The following MIX23 variants were observed in gnomAD, a reference collection of about 807,000 sequenced individuals.
MIX23 encodes mitochondrial matrix import factor 23, also known as protein MIX23.
Under a neutral mutation model 21.6 loss-of-function variants are expected in MIX23, and 13 were observed. That is an observed-to-expected ratio of 0.60 (90% CI 0.39 to 0.96). MIX23 has a LOEUF of 0.96. Ranked by LOEUF, MIX23 falls within the 40% of genes least tolerant of loss-of-function variation. MIX23 has a pLI of 0.00. For missense variants in MIX23, 144 were observed against 171.2 expected (o/e 0.84, Z 0.89); for synonymous variants, 59 against 58.0 (o/e 1.02, Z -0.08).
intron 1 of MIX23, among the ~76,000 whole-genome samples, chr3:122,377,937 T>C (rs987462080): frequency 3.3e-5 from 5 of 152,182 alleles, no homozygotes; most frequent in African/African-American, 2.4e-5. Flanking sequence ...GCCATATAAA[T>C]AGAGTGTTTA....
intron 3 of MIX23, among the ~76,000 whole-genome samples, chr3:122,367,642 AAATT>A (rs1450974683): frequency 6.6e-6 from 1 of 152,246 alleles, no homozygotes; most frequent in Non-Finnish European, 1.5e-5. Flanking sequence ...GTAGGGAAAT[AAATT>A]ATAATGAGGT....
At chr3:122,361,502 C>T (rs1039658397) in intron 4 of MIX23, among the ~76,000 whole-genome samples, 2 of 152,134 alleles carry the variant, frequency 1.3e-5, no homozygotes, top group East Asian at 3.8e-4. Flanking sequence ...AGCACCATGG[C>T]TACATTTTCT....
intron 1 of MIX23, among the ~76,000 whole-genome samples, chr3:122,377,811 C>T (rs1484175468): frequency 1.3e-5 from 2 of 152,048 alleles, no homozygotes; most frequent in South Asian, 2.1e-4. Flanking sequence ...TGTGCCACTG[C>T]CCTCCAGCCT....
At chr3:122,378,191 T>C (rs1234611860) in intron 1 of MIX23, among the ~76,000 whole-genome samples, 3 of 152,254 alleles carry the variant, frequency 2.0e-5, no homozygotes, top group Non-Finnish European at 4.4e-5. Context: ...GTTAGACGAC[T>C]GCAGCAATCC....
chr3:122,366,296 C>T (rs965952397), intron 3 of MIX23, among the ~76,000 whole-genome samples: 6 of 152,132 alleles, frequency 3.9e-5, no homozygotes, highest in Non-Finnish European at 7.3e-5. Flanking sequence ...TCCAAGGGAT[C>T]CACCAGTGCC....
chr3:122,361,479 C>G (rs372424581), intron 4 of MIX23, among the ~76,000 whole-genome samples: 1 of 152,154 alleles, frequency 6.6e-6, no homozygotes, highest in Non-Finnish European at 1.5e-5. Context: ...CTTCTGCTGG[C>G]CCACTGCACC....
chr3:122,364,975 G>A (rs2075386294), intron 3 of MIX23, among the ~76,000 whole-genome samples: 1 of 152,148 alleles, frequency 6.6e-6, no homozygotes, highest in African/African-American at 2.4e-5. Context: ...CCTCAGAGCT[G>A]TCTGCCTTTG....
At chr3:122,376,682 C>G (rs2075489725) in intron 1 of MIX23, among the ~76,000 whole-genome samples, 1 of 152,076 alleles carries the variant, frequency 6.6e-6, no homozygotes, top group Non-Finnish European at 1.5e-5. Flanking sequence ...ATGGATGGAG[C>G]TGGAGGCCAT....
intron 1 of MIX23, among the ~76,000 whole-genome samples, chr3:122,378,683 T>C (rs945658362): frequency 2.6e-5 from 4 of 152,178 alleles, no homozygotes; most frequent in Non-Finnish European, 1.5e-5. Flanking sequence ...AGTAAAAATA[T>C]GGTGTTATAA....
At chr3:122,374,734 G>A (rs2107684660) in intron 1 of MIX23, among the ~76,000 whole-genome samples, 1 of 152,212 alleles carries the variant, frequency 6.6e-6, no homozygotes, top group South Asian at 2.1e-4. Flanking sequence ...AATAAAAGAG[G>A]TCCTTGCTCT....
At chr3:122,371,914 G>A in intron 1 of MIX23, 114 bp from the exon 2 acceptor site, 1 of 877,692 alleles carries the variant, frequency 1.1e-6, no homozygotes, top group Non-Finnish European at 1.7e-6. Context: ...TAAGTCAGGA[G>A]TGAGGAAACC....
rs147377702 is a variant in MIX23, at chr3:122,373,977, T to G, written c.52-2177A>C. The stretch of plus-strand genomic sequence containing the variant: ...ACCACCACACATAGTGAAGGATATA[T>G]GTATTGTGCTTAAGTGGTAAATTCC... On this transcript the variant is annotated intron_variant, in intron 1 of 4. Transcript: ENST00000291458. Among the ~76,000 whole-genome samples, 8 of 152,126 alleles carry G rather than the reference T, an allele frequency of 5.3e-5. No homozygotes were observed. In the East Asian group the frequency reaches 1.5e-3, roughly 29 times the overall value.
chr3:122,359,782 C>T lies in MIX23; in HGVS notation c.*87G>A. ...CTCAGAAATCATCCTAGAAAGCCCG[C>T]CCTGTTGATATCTGTCATGCTTAGC... On this transcript the variant is annotated 3_prime_UTR_variant, in exon 5 of 5. Coordinates refer to ENST00000291458, the MANE Select transcript of MIX23 (RefSeq NM_001017928.4). The T allele has an allele frequency of 1.5e-6, 2 of 1,331,964 alleles. No individual in the cohort carries two copies. Among genetic ancestry groups the T allele is most frequent in the Non-Finnish European group, 2.0e-6 (2 of 1,016,596 alleles). 82.5% of individuals were successfully genotyped at this position (1,331,964 alleles called of 1,614,324 possible).
At chr3:122,376,802 G>A (rs1343471285) in intron 1 of MIX23, among the ~76,000 whole-genome samples, 1 of 152,132 alleles carries the variant, frequency 6.6e-6, no homozygotes, top group East Asian at 1.9e-4. Context: ...TAGACATTGG[G>A]GACTCCAAAG....
chr3:122,365,957 C>T (rs1240411334), intron 3 of MIX23, among the ~76,000 whole-genome samples: 2 of 151,882 alleles, frequency 1.3e-5, no homozygotes, highest in Admixed American at 1.3e-4. Context: ...GGGCAGATCA[C>T]AAGGTCAGGA....
At chr3:122,360,581 C>T (rs957554588) in intron 4 of MIX23, among the ~76,000 whole-genome samples, 2 of 151,942 alleles carry the variant, frequency 1.3e-5, no homozygotes, top group Admixed American at 1.3e-4. Flanking sequence ...CTGTATATTA[C>T]TATTTTTAAA....
At chr3:122,378,288 G>A (rs972817603) in intron 1 of MIX23, among the ~76,000 whole-genome samples, 17 of 152,158 alleles carry the variant, frequency 1.1e-4, no homozygotes, top group African/African-American at 1.2e-4. Flanking sequence ...ACTTTAGCCC[G>A]ATTCATCTCC....
At chr3:122,362,257 C>T (rs1251287917) in intron 4 of MIX23, among the ~76,000 whole-genome samples, 1 of 152,084 alleles carries the variant, frequency 6.6e-6, no homozygotes, top group African/African-American at 2.4e-5. Context: ...AGAAGACAAG[C>T]AACCGTATAG....
chr3:122,379,218 C>T (rs2075511698), intron 1 of MIX23, among the ~76,000 whole-genome samples: 1 of 152,142 alleles, frequency 6.6e-6, no homozygotes, highest in Non-Finnish European at 1.5e-5. Context: ...GCCATTTAGT[C>T]AATCATTTCA....
Sources: gnomAD v4.1 joint callset for allele counts (sites outside exome capture counted in the v4.1 genomes callset) on GRCh38, gnomAD v4.1.1 for gene constraint, MANE v1.5 for transcripts, NCBI Gene and HGNC (gene_info 2026-07-23, HGNC 2026-07-21) for gene names.